Variants in DOCK10 observed in about 807,000 individuals in gnomAD.
DOCK10 encodes the protein dedicator of cytokinesis protein 10.
Under a neutral mutation model 280.1 loss-of-function variants are expected in DOCK10, and 145 were observed. That is an observed-to-expected ratio of 0.52 (90% confidence interval 0.45 to 0.59). The LOEUF is 0.59. DOCK10 is among the 20% of genes least tolerant of loss of function. DOCK10 has a pLI of 0.00. For synonymous variants in DOCK10, 915 were observed against 942.2 expected (o/e 0.97, Z 0.53); for missense variants, 2,368 against 2,651.7 (o/e 0.89, Z 2.35).
chr2:224,895,841 G>GTGTGTA (rs1553607593), intron 4 of DOCK10, among the ~76,000 whole-genome samples: 8 of 136,168 alleles, frequency 5.9e-5, no homozygotes, highest in African/African-American at 2.5e-4. Flanking sequence ...GCGTGTGTGT[G>GTGTGTA]TATATATATA....
chr2:224,818,079 G>A (rs1009710723), intron 29 of DOCK10, among the ~76,000 whole-genome samples: 13 of 152,162 alleles, frequency 8.5e-5, no homozygotes, highest in Non-Finnish European at 4.4e-5. Flanking sequence ...AAGCAGTGTT[G>A]GGGGGAGAAA....
chr2:224,778,343 A>G (rs1397332797), intron 50 of DOCK10, 59 bp from the exon 51 acceptor site: 10 of 1,509,186 alleles, frequency 6.6e-6, no homozygotes, highest in African/African-American at 1.4e-5. Context: ...AATCAAAAGC[A>G]AAACAAAAAG....
intron 25 of DOCK10, among the ~76,000 whole-genome samples, chr2:224,835,443 G>A (rs1406869811): frequency 6.6e-6 from 1 of 152,230 alleles, no homozygotes; most frequent in Non-Finnish European, 1.5e-5. Context: ...GTGTATGTGT[G>A]CATTTTGCAT....
At chr2:224,982,719 AC>A (rs1705812293) in intron 1 of DOCK10, among the ~76,000 whole-genome samples, 1 of 152,152 alleles carries the variant, frequency 6.6e-6, no homozygotes. Context: ...CAAATAAATT[AC>A]TTTTTCAAAT....
At chr2:224,982,419 C>T in intron 1 of DOCK10, 2 of 1,231,064 alleles carry the variant, frequency 1.6e-6, no homozygotes, top group Admixed American at 4.2e-5. Context: ...GCTATGTTTG[C>T]AAAACAGTGG....
intron 1 of DOCK10, among the ~76,000 whole-genome samples, chr2:224,989,095 C>A (rs1271312228): frequency 2.0e-5 from 3 of 152,194 alleles, no homozygotes; most frequent in Non-Finnish European, 4.4e-5. Context: ...CTCTTGAATT[C>A]ATTGGAGGCT....
intron 1 of DOCK10, among the ~76,000 whole-genome samples, chr2:224,992,484 C>T (rs192948540): frequency 5.2e-4 from 79 of 152,326 alleles, no homozygotes; most frequent in African/African-American, 1.9e-3. Context: ...CACCCAGCTC[C>T]AGGGTTTTGA....
chr2:224,859,147 G>A (rs1697341186), intron 14 of DOCK10, among the ~76,000 whole-genome samples: 1 of 152,178 alleles, frequency 6.6e-6, no homozygotes, highest in South Asian at 2.1e-4. Flanking sequence ...GAAGTTGGAT[G>A]ACCATTTGTT....
intron 1 of DOCK10, among the ~76,000 whole-genome samples, chr2:224,947,224 T>G (rs755431780): frequency 7.9e-5 from 12 of 152,202 alleles, no homozygotes; most frequent in Non-Finnish European, 1.5e-4. Flanking sequence ...CTTTGGACGT[T>G]TAAGAGAATT....
chr2:224,787,064 C>T lies in DOCK10; in HGVS notation c.5613G>A (p.Lys1871=). Residue 1871 remains lysine, a synonymous_variant, in exon 50 of 56, where the codon AAG becomes AAA. Transcript: ENST00000258390. ...LKVAEVVNSE[K]RLFGRYYRVA... Reference sequence around the variant, plus strand: ...CACGATAGTAGCGACCAAACAGCCGCTTCTCCGAATTCACCACCTCTGCCA... The same window carrying T: ...CACGATAGTAGCGACCAAACAGCCGTTTCTCCGAATTCACCACCTCTGCCA... The T allele has an allele frequency of 1.9e-6, 3 of 1,614,024 alleles. No homozygotes were observed. The highest frequency in any genetic ancestry group is 2.5e-6 in the Non-Finnish European group (3 of 1,179,890).
In DOCK10 at chr2:224,804,135, C is replaced by T. The variant is rs1196173498; in HGVS notation, c.4245G>A (p.Gln1415=). 1 of 1,610,780 alleles carries T rather than the reference C, an allele frequency of 6.2e-7. No individual in the cohort carries two copies. The highest frequency in any genetic ancestry group is 8.5e-7 in the Non-Finnish European group (1 of 1,177,714). ...GTLKGSNPSC[Q]TSGLLSQWMH... is the part of the protein sequence containing the mutation. ...ACCATTGTGACAAGAGACCTGATGTCTGGCAGGAAGGATTGGATCCTTTGA... is the reference window on the plus strand; with the variant it reads ...ACCATTGTGACAAGAGACCTGATGTTTGGCAGGAAGGATTGGATCCTTTGA... Residue 1415 remains glutamine, a synonymous_variant, in exon 39 of 56, where the codon CAG becomes CAA. Coordinates refer to ENST00000258390, the MANE Select transcript of DOCK10 (RefSeq NM_014689.3).
intron 7 of DOCK10, among the ~76,000 whole-genome samples, chr2:224,880,248 G>A (rs555735485): frequency 3.9e-5 from 6 of 152,122 alleles, no homozygotes; most frequent in Middle Eastern, 3.4e-3. Context: ...ATAAATATTC[G>A]ATTTGAAATG....
chr2:224,812,811 C>A (rs956767187), intron 31 of DOCK10, among the ~76,000 whole-genome samples: 6 of 152,158 alleles, frequency 3.9e-5, no homozygotes, highest in Non-Finnish European at 8.8e-5. Context: ...GTATGTTGAA[C>A]CAGCCTTGCA....
chr2:224,979,253 C>T (rs777250190), intron 1 of DOCK10, among the ~76,000 whole-genome samples: 4 of 152,234 alleles, frequency 2.6e-5, no homozygotes, highest in Non-Finnish European at 4.4e-5. Context: ...TGAATTCTCA[C>T]AATAACCTTA....
intron 15 of DOCK10, 103 bp downstream of exon 15, chr2:224,856,756 TG>T: frequency 9.2e-7 from 1 of 1,092,366 alleles, no homozygotes; most frequent in Non-Finnish European, 1.3e-6. Flanking sequence ...ATCTGCTTTC[TG>T]GAGGTTTGGG....
chr2:224,914,918 A>T (rs1020650209), intron 3 of DOCK10, among the ~76,000 whole-genome samples: 5 of 152,206 alleles, frequency 3.3e-5, no homozygotes, highest in Non-Finnish European at 7.4e-5. Flanking sequence ...CATATTAGGA[A>T]ATCAACAGCT....
chr2:224,784,734 T>C, intron 50 of DOCK10: 1 of 1,289,780 alleles, frequency 7.8e-7, no homozygotes, highest in Non-Finnish European at 1.0e-6. Flanking sequence ...AGTGAGAACT[T>C]ACCACAGCCT....
chr2:224,919,271 C>G (rs1197492939), intron 2 of DOCK10, among the ~76,000 whole-genome samples: 1 of 143,366 alleles, frequency 7.0e-6, no homozygotes, highest in Non-Finnish European at 1.5e-5. Flanking sequence ...GTAGGTTTGT[C>G]TGCATGTGTA....
intron 47 of DOCK10, 107 bp from the exon 48 acceptor site, chr2:224,789,277 C>T: frequency 1.5e-6 from 1 of 675,726 alleles, no homozygotes; most frequent in East Asian, 2.7e-5. Context: ...TTACAAAGCT[C>T]ACACAATCAA....
Sources: gnomAD v4.1 joint callset for allele counts (sites outside exome capture counted in the v4.1 genomes callset) on GRCh38, gnomAD v4.1.1 for gene constraint, MANE v1.5 for transcripts, NCBI Gene and HGNC (gene_info 2026-07-23, HGNC 2026-07-21) for gene names.